PCDHGA9: variants seen among roughly 807,000 people sequenced by gnomAD.
The protein encoded by PCDHGA9 is protocadherin gamma-A9.
In PCDHGA9, 37 loss-of-function variants were observed where a neutral mutation model predicts 62.5. The ratio of observed to expected loss-of-function variants is 0.59; its 90% CI spans 0.46 to 0.78. PCDHGA9 has a LOEUF of 0.78. PCDHGA9 is among the 30% of genes least tolerant of loss of function. The pLI is 0.00. For synonymous variants in PCDHGA9, 459 were observed against 484.6 expected, an observed-to-expected ratio of 0.95 and a Z score of 0.69; for missense variants, 1,138 against 1,166.2, an observed-to-expected ratio of 0.98 and a Z score of 0.35.
chr5:141,432,650 G>T lies in PCDHGA9; in HGVS notation c.2424+27274G>T. 6.2e-7 allele frequency: 1 copy of T among 1,613,868 alleles called. No individual in the cohort carries two copies. The highest frequency in any genetic ancestry group is 1.1e-5 in the South Asian group (1 of 91,064). On this transcript the variant is annotated intron_variant, in intron 1 of 3. Transcript: ENST00000573521. The surrounding 1 kb of genome is among the most constrained non-coding windows in gnomAD (Gnocchi z 6.0). The stretch of plus-strand genomic sequence containing the variant: ...CACGGGCGAGGTGCGCACGGCGCGA[G>T]CCCTGCTGGACAGAGACGCGCTCAA...
At position 141,431,493 on chromosome 5, in the gene PCDHGA9, C is replaced by G. The variant is rs1281626711; in HGVS notation, c.2424+26117C>G. On this transcript the variant is annotated intron_variant, in intron 1 of 3. Transcript: ENST00000573521. The surrounding 1 kb of genome is among the most constrained non-coding windows in gnomAD (Gnocchi z 4.8). ...GACAACGCACCAGCGTTTGCTCAGC[C>G]CGAGTACCGCGCGAGCGTTCCGGAG... 1 of 1,613,994 alleles carries G rather than the reference C, an allele frequency of 6.2e-7. No individual in the cohort carries two copies. The highest frequency in any genetic ancestry group is 8.5e-7 in the Non-Finnish European group (1 of 1,180,042).
At chr5:141,508,267 C>G (rs993402135) in intron 3 of PCDHGA9, 5 of 152,336 alleles carry the variant, frequency 3.3e-5, no homozygotes, top group African/African-American at 9.6e-5. Context: ...AAGAGAAAAT[C>G]CCGGTCCTTG....
Position 141,511,207 on chromosome 5 carries a change from T to A in PCDHGA9, c.*34T>A, listed in dbSNP as rs773761839. ...CCAGGCCAAGAGCCACAGGGCGGCC[T>A]CTCCCCAACCAGCCCAGCTTCTCCT... On this transcript the variant is annotated 3_prime_UTR_variant, in exon 4 of 4. Transcript: ENST00000573521. 1 of 1,611,162 alleles carries A rather than the reference T, an allele frequency of 6.2e-7. No individual in the cohort carries two copies. The highest frequency in any genetic ancestry group is 1.1e-5 in the South Asian group (1 of 90,702).
chr5:141,491,612 G>A lies in PCDHGA9; in HGVS notation c.2425-3195G>A, dbSNP rs759955730. ...GACGGCAGTGACTTCACTTTTCTAAGACCCCTCAGCGTTCAGCAGCCCACA... is the reference window on the plus strand; with the variant it reads ...GACGGCAGTGACTTCACTTTTCTAAAACCCCTCAGCGTTCAGCAGCCCACA... On this transcript the variant is annotated intron_variant, in intron 1 of 3. Coordinates refer to ENST00000573521, the MANE Select transcript of PCDHGA9 (RefSeq NM_018921.3). The surrounding 1 kb of genome is among the most constrained non-coding windows in gnomAD (Gnocchi z 6.9). 6.2e-7 allele frequency: 1 copy of A among 1,613,906 alleles called. No individual in the cohort carries two copies. The highest frequency in any genetic ancestry group is 8.5e-7 in the Non-Finnish European group (1 of 1,180,026).
intron 1 of PCDHGA9, chr5:141,423,780 T>C: frequency 8.0e-7 from 1 of 1,243,766 alleles, no homozygotes; most frequent in Non-Finnish European, 1.0e-6. Flanking sequence ...ATATATTTAG[T>C]TCATATATAT....
chr5:141,478,323 G>C, intron 1 of PCDHGA9: 1 of 1,613,958 alleles, frequency 6.2e-7, no homozygotes, highest in Non-Finnish European at 8.5e-7. Flanking sequence ...TCACTGTACC[G>C]AACACCAGGG....
rs781026604 is a variant in PCDHGA9, at chr5:141,490,471, C to G, written c.2425-4336C>G. ...CCACTACTCGCTGCTAACCAGCCAG[C>G]CTTTGGACCGGGAGGCCACATCCCA... On this transcript the variant is annotated intron_variant, in intron 1 of 3. Coordinates refer to ENST00000573521, the MANE Select transcript of PCDHGA9 (RefSeq NM_018921.3). The surrounding 1 kb of genome is among the most constrained non-coding windows in gnomAD (Gnocchi z 5.4). 12 of 1,614,096 alleles carry G rather than the reference C, an allele frequency of 7.4e-6. No homozygotes were observed. The highest frequency in any genetic ancestry group is 1.1e-5 in the South Asian group (1 of 91,092).
Position 141,486,000 on chromosome 5 carries a change from A to G in PCDHGA9, c.2425-8807A>G. 1 of 1,614,194 alleles carries G rather than the reference A, an allele frequency of 6.2e-7. No individual in the cohort carries two copies. Among genetic ancestry groups the G allele is most frequent in the Non-Finnish European group, 8.5e-7 (1 of 1,180,034 alleles). On this transcript the variant is annotated intron_variant, in intron 1 of 3. Transcript: ENST00000573521. The surrounding 1 kb of genome is among the most constrained non-coding windows in gnomAD (Gnocchi z 5.7). ...GACCCGGACCTGGGTCCCAGTGGTA[A>G]CGTCACCTTTTATTTCAGTGGTCAT...
rs745658462 is a variant in PCDHGA9 at position 141,414,720 on chromosome 5, T to C, written c.2424+9344T>C. 6 of 1,614,132 alleles carry C rather than the reference T, an allele frequency of 3.7e-6. No homozygotes were observed. The East Asian group carries it at 1.3e-4, about 36-fold the overall frequency. ...CATACATATCCATCAACTCAGACAC[T>C]GGCGTCCTGTATGCACTCAGATCCT... On this transcript the variant is annotated intron_variant, in intron 1 of 3. Coordinates refer to ENST00000573521, the MANE Select transcript of PCDHGA9 (RefSeq NM_018921.3).
chr5:141,427,213 G>A (rs566924176), intron 1 of PCDHGA9: 3 of 456,706 alleles, frequency 6.6e-6, no homozygotes, highest in East Asian at 6.9e-5. Context: ...TTCGAATTTC[G>A]TAGCAGTTAT....
chr5:141,507,781 C>A (rs2099863256), intron 3 of PCDHGA9, among the ~76,000 whole-genome samples: 1 of 152,214 alleles, frequency 6.6e-6, no homozygotes, highest in South Asian at 2.1e-4. Flanking sequence ...CAGGGCCTGA[C>A]CCTCGTCTAA....
Position 141,485,582 on chromosome 5 carries a change from C to G in PCDHGA9, c.2425-9225C>G. The G allele has an allele frequency of 6.2e-7, 1 of 1,612,374 alleles. No individual in the cohort carries two copies. Among genetic ancestry groups the G allele is most frequent in the South Asian group, 1.1e-5 (1 of 90,956 alleles). On this transcript the variant is annotated intron_variant, in intron 1 of 3. Transcript: ENST00000573521. The surrounding 1 kb of genome is among the most constrained non-coding windows in gnomAD (Gnocchi z 5.7). ...TCACGCCCCCCGTTTTCCGCGGCAG[C>G]AGCTGGACTTGGAAATTGGGGAGGC...
intron 1 of PCDHGA9, among the ~76,000 whole-genome samples, chr5:141,444,466 C>T (rs539222916): frequency 7.9e-5 from 12 of 152,100 alleles, no homozygotes; most frequent in East Asian, 1.9e-4. Context: ...TCACTGCGCC[C>T]GGTCGCGTAC....
At position 141,408,408 on chromosome 5, in the gene PCDHGA9, G is replaced by A. The variant is rs376957467; in HGVS notation, c.2424+3032G>A. On this transcript the variant is annotated intron_variant, in intron 1 of 3. Coordinates refer to ENST00000573521, the MANE Select transcript of PCDHGA9 (RefSeq NM_018921.3). The stretch of plus-strand genomic sequence containing the variant: ...GTGTCGGCTCGCAAGCTGCGAGTGA[G>A]CGCGGAGAAGCTGCACTTCAGCGTA... 5 of 1,614,080 alleles carry A rather than the reference G, an allele frequency of 3.1e-6. No homozygotes were observed. The Admixed American group carries it at 5.0e-5, about 16-fold the overall frequency.
At chr5:141,413,118 G>C (rs999214227) in intron 1 of PCDHGA9, 1 of 1,517,152 alleles carries the variant, frequency 6.6e-7, no homozygotes, top group Non-Finnish European at 8.9e-7. Flanking sequence ...CAAAGGAACC[G>C]GTTGAAACAC....
chr5:141,498,042 A>G (rs1189035278), intron 2 of PCDHGA9, among the ~76,000 whole-genome samples: 2 of 152,238 alleles, frequency 1.3e-5, no homozygotes, highest in Non-Finnish European at 2.9e-5. Flanking sequence ...AATAATTACA[A>G]AAATAAATGT....
intron 1 of PCDHGA9, chr5:141,420,315 A>G (rs755723069): frequency 6.2e-6 from 9 of 1,440,144 alleles, no homozygotes; most frequent in Non-Finnish European, 8.4e-6. Context: ...TTATATTACA[A>G]TATGCCAATA....
chr5:141,403,766 G>A lies in PCDHGA9; in HGVS notation c.814G>A (p.Gly272Arg), dbSNP rs1371539458. The change falls in exon 1 of 4, where the codon GGA becomes AGA. Residue 272 changes from glycine to arginine, a missense_variant. Coordinates refer to ENST00000573521, the MANE Select transcript of PCDHGA9 (RefSeq NM_018921.3). ...TGCAACAGCCAGCGACCTGGATGAG[G>A]GAATCAACGGAAAAGTGGCATACAA... ...LTATASDLDEGINGKVAYKFW... is the reference protein window; with the variant it reads ...LTATASDLDERINGKVAYKFW... The A allele has an allele frequency of 1.2e-6, 2 of 1,613,864 alleles. No homozygotes were observed. The highest frequency in any genetic ancestry group is 2.2e-5 in the East Asian group (1 of 44,878).
rs575250872 is a variant in PCDHGA9, at chr5:141,490,163, T to C, written c.2425-4644T>C. ...GGGGCAATCCATGTGTTGGGTCCCA[T>C]AGACTTTGAGGAGTCACGTTTCTAT... On this transcript the variant is annotated intron_variant, in intron 1 of 3. Transcript: ENST00000573521. This position sits in a 1 kb window ranked among gnomAD's most constrained non-coding sequence, Gnocchi z 5.4. 2 of 1,614,234 alleles carry C rather than the reference T, an allele frequency of 1.2e-6. No homozygotes were observed. The highest frequency in any genetic ancestry group is 2.2e-5 in the East Asian group (1 of 44,886).
Sources: gnomAD v4.1 joint callset for allele counts (sites outside exome capture counted in the v4.1 genomes callset) on GRCh38, gnomAD v4.1.1 for gene constraint, Gnocchi (gnomAD v3.1) non-coding constraint, MANE v1.5 for transcripts, NCBI Gene and HGNC (gene_info 2026-07-23, HGNC 2026-07-21) for gene names.